KALRN: variants seen among roughly 807,000 people sequenced by gnomAD.
KALRN encodes the protein kalirin RhoGEF kinase.
Under a neutral mutation model 353.7 loss-of-function variants are expected in KALRN, and 70 were observed. That is an observed-to-expected ratio of 0.20 (90% CI 0.16 to 0.24). KALRN has a LOEUF of 0.24. Ranked by LOEUF, KALRN falls within the 10% of genes least tolerant of loss-of-function variation. The pLI is 1.00. For synonymous variants in KALRN, 1,391 were observed against 1,434.8 expected (o/e 0.97, Z 0.69); for missense variants, 2,791 against 3,756.7 (o/e 0.74, Z 6.72).
intron 37 of KALRN, among the ~76,000 whole-genome samples, chr3:124,638,364 T>G (rs530805908): frequency 6.6e-6 from 1 of 151,968 alleles, no homozygotes; most frequent in African/African-American, 2.4e-5. Context: ...ACCTGCTGTT[T>G]TCAGTACCTA....
At chr3:124,259,776 C>T (rs1297039149) in intron 3 of KALRN, among the ~76,000 whole-genome samples, 1 of 152,122 alleles carries the variant, frequency 6.6e-6, no homozygotes, top group African/African-American at 2.4e-5. Context: ...AACATATTAT[C>T]CAGATGGTAA....
chr3:124,060,300 T>C (rs981285661), intron 1 of KALRN, among the ~76,000 whole-genome samples: 1 of 152,148 alleles, frequency 6.6e-6, no homozygotes, highest in Non-Finnish European at 1.5e-5. Context: ...AGCTCTGTAA[T>C]TTGCTGGGCC....
intron 10 of KALRN, chr3:124,374,448 G>C (rs1324875250): frequency 6.6e-6 from 1 of 152,128 alleles, no homozygotes; most frequent in Admixed American, 6.5e-5. Context: ...ATGTATATAG[G>C]CATAACCTCA....
At chr3:124,269,371 T>A in intron 5 of KALRN, 116 bp downstream of exon 5, 3 of 1,126,994 alleles carry the variant, frequency 2.7e-6, no homozygotes, top group Non-Finnish European at 2.5e-6. Context: ...ACAGTGTGCC[T>A]ACTAGTTTTA....
chr3:124,701,959 C>T, intron 56 of KALRN, 79 bp from the exon 57 acceptor site: 1 of 1,112,710 alleles, frequency 9.0e-7, no homozygotes, highest in Non-Finnish European at 1.4e-6. Context: ...TGGGGTTACT[C>T]TGGAGCTTTT....
At chr3:124,422,783 T>G in intron 14 of KALRN, 29 bp from the exon 15 acceptor site, 2 of 1,604,022 alleles carry the variant, frequency 1.2e-6, no homozygotes, top group South Asian at 1.1e-5. Context: ...CTAGCTGGTT[T>G]TTAATTGTTT....
intron 1 of KALRN, among the ~76,000 whole-genome samples, chr3:124,226,764 A>C (rs1203080711): frequency 2.0e-5 from 3 of 152,118 alleles, no homozygotes; most frequent in Non-Finnish European, 4.4e-5. Flanking sequence ...AGATTGAAGG[A>C]TTGAGTGGGA....
chr3:124,279,721 G>A (rs2075150999), intron 5 of KALRN, among the ~76,000 whole-genome samples: 1 of 152,240 alleles, frequency 6.6e-6, no homozygotes, highest in Admixed American at 6.5e-5. Flanking sequence ...ACTGTGCCGA[G>A]TACTGTGCCA....
At position 124,612,214 on chromosome 3, in the gene KALRN, A is replaced by G. The variant is rs372524234; in HGVS notation, c.5183-20206A>G. 4.0e-5 allele frequency among the ~76,000 whole-genome samples: 6 copies of G among 148,556 alleles called. 1 individual carries two copies. The South Asian group carries it at 1.1e-3, about 27-fold the overall frequency. Reference sequence around the variant, plus strand: ...TAATTTTTTAATTTTTTTAATTTTTATTTTTTGAGACGGAGTTTTGCTCTT... The same window carrying G: ...TAATTTTTTAATTTTTTTAATTTTTGTTTTTTGAGACGGAGTTTTGCTCTT... On this transcript the variant is annotated intron_variant, in intron 34 of 59. Coordinates refer to ENST00000682506, the MANE Select transcript of KALRN (RefSeq NM_001388419.1).
In KALRN at chr3:124,355,846, G is replaced by A. The variant is rs539196300; in HGVS notation, c.1770+8581G>A. Among the ~76,000 whole-genome samples, 6 of 150,670 alleles carry A rather than the reference G, an allele frequency of 4.0e-5. No individual in the cohort carries two copies. The East Asian group carries it at 1.2e-3, about 30-fold the overall frequency. On this transcript the variant is annotated intron_variant, in intron 10 of 59. Transcript: ENST00000682506. ...TTCTCCTGCCTCAGCCCTCCAAGTA[G>A]CTGGGATCAAAAGCATGAGCCACTA...
intron 11 of KALRN, among the ~76,000 whole-genome samples, chr3:124,394,157 G>A (rs1322938518): frequency 1.3e-5 from 2 of 152,222 alleles, no homozygotes; most frequent in African/African-American, 2.4e-5. Context: ...GGCACCATGA[G>A]TAACGGGAGG....
In KALRN at chr3:124,650,861, G is replaced by A. The variant is rs774922585; in HGVS notation, c.5718G>A (p.Leu1906=). 6.2e-7 allele frequency: 1 copy of A among 1,614,060 alleles called. No homozygotes were observed. The highest frequency in any genetic ancestry group is 1.7e-5 in the Admixed American group (1 of 60,002). ...GCTTGAAAGACCCTGCAGGCTGCCTGAATGAGGGGATGGCCCCACCCACAC... is the reference window on the plus strand; with the variant it reads ...GCTTGAAAGACCCTGCAGGCTGCCTAAATGAGGGGATGGCCCCACCCACAC... ...RGSLKDPAGC[L]NEGMAPPTPP... The change falls in exon 38 of 60, where the codon CTG becomes CTA. Residue 1906 remains leucine (L), a synonymous_variant. Coordinates refer to ENST00000682506, the MANE Select transcript of KALRN (RefSeq NM_001388419.1).
At chr3:124,098,771 T>G (rs2061628835) in intron 1 of KALRN, among the ~76,000 whole-genome samples, 1 of 152,182 alleles carries the variant, frequency 6.6e-6, no homozygotes, top group African/African-American at 2.4e-5. Flanking sequence ...TATGTCACCT[T>G]GCAGTCCACT....
At chr3:124,576,245 A>C (rs1262234087) in intron 34 of KALRN, among the ~76,000 whole-genome samples, 1 of 151,948 alleles carries the variant, frequency 6.6e-6, no homozygotes, top group African/African-American at 2.4e-5. Context: ...CATATTTGTT[A>C]ATATTCCTCT....
intron 34 of KALRN, among the ~76,000 whole-genome samples, chr3:124,622,281 A>G (rs2079365593): frequency 6.6e-6 from 1 of 152,218 alleles, no homozygotes; most frequent in South Asian, 2.1e-4. Context: ...ATTGGAGTCA[A>G]AGTTTCCAAT....
chr3:124,639,372 G>A (rs192322894), intron 37 of KALRN, among the ~76,000 whole-genome samples: 11 of 152,226 alleles, frequency 7.2e-5, no homozygotes, highest in African/African-American at 1.7e-4. Context: ...TTAAAATATC[G>A]TAATGATTTC....
intron 8 of KALRN, among the ~76,000 whole-genome samples, chr3:124,330,682 A>G (rs1046738859): frequency 2.6e-5 from 4 of 152,100 alleles, no homozygotes; most frequent in Non-Finnish European, 5.9e-5. Context: ...ATAAGTTAGT[A>G]TGTTTGCTAA....
chr3:124,550,204 C>T (rs562891861), intron 33 of KALRN, among the ~76,000 whole-genome samples: 1 of 152,244 alleles, frequency 6.6e-6, no homozygotes, highest in East Asian at 1.9e-4. Context: ...AAAAGAGTCT[C>T]TCTCAAATGA....
chr3:124,272,708 C>T (rs1450969743), intron 5 of KALRN, among the ~76,000 whole-genome samples: 1 of 152,184 alleles, frequency 6.6e-6, no homozygotes, highest in East Asian at 1.9e-4. Flanking sequence ...GAAAATGCCA[C>T]TCAAGCTTGA....
Sources: gnomAD v4.1 joint callset for allele counts (sites outside exome capture counted in the v4.1 genomes callset) on GRCh38, gnomAD v4.1.1 for gene constraint, MANE v1.5 for transcripts, NCBI Gene and HGNC (gene_info 2026-07-23, HGNC 2026-07-21) for gene names.